The following SEL1L3 variants were observed in gnomAD, a reference collection of about 807,000 sequenced individuals.
The protein encoded by SEL1L3 is protein sel-1 homolog 3.
Under a neutral mutation model 142.8 loss-of-function variants are expected in SEL1L3, and 76 were observed. The observed-to-expected ratio is 0.53, with a 90% CI of 0.44 to 0.64. The LOEUF (loss-of-function observed/expected upper bound fraction) is 0.64, where lower values mean the gene tolerates loss of function less well. Ranked by LOEUF, SEL1L3 falls within the 30% of genes least tolerant of loss-of-function variation. The pLI is 0.00. For missense variants in SEL1L3, 1,262 were observed against 1,381.7 expected, an observed-to-expected ratio of 0.91 and a Z score of 1.37; for synonymous variants, 504 against 519.6, an observed-to-expected ratio of 0.97 and a Z score of 0.41.
chr4:25,719,654 G>T, the SEL1L3 span: 1 of 152,158 alleles, frequency 6.6e-6, no homozygotes, highest in Non-Finnish European at 1.5e-5. Flanking sequence ...TGATGAGCAG[G>T]CTGTGGATAA....
rs749101420 is a variant in SEL1L3 at position 25,784,289 on chromosome 4, C to T, written c.2219G>A (p.Gly740Asp). The T allele has an allele frequency of 1.2e-6, 2 of 1,612,988 alleles. No homozygotes were observed. Among genetic ancestry groups the T allele is most frequent in the Admixed American group, 1.7e-5 (1 of 60,008 alleles). ...CCGTCTGTTCTTTTTTACTCCTTGA[C>T]CCTAAACATTGATAAACAGCGATGA... ...IYDYAIVLFK[G>D]QGVKKNRRLA... Residue 740 changes from glycine (G) to aspartate (D), a missense_variant and splice_region_variant, in exon 14 of 24, where the codon GGT (glycine) becomes GAT (aspartate). This residue lies in a region of SEL1L3 where 435 missense variants were observed against 559.2 expected (regional missense o/e 0.78). Coordinates refer to ENST00000399878, the MANE Select transcript of SEL1L3 (RefSeq NM_015187.5).
At chr4:25,715,817 C>T in the SEL1L3 span, among the ~76,000 whole-genome samples, 1 of 151,430 alleles carries the variant, frequency 6.6e-6, no homozygotes, top group Non-Finnish European at 1.5e-5. Context: ...AAAAAAAACC[C>T]AAGATGCATA....
At chr4:25,727,754 G>T in the SEL1L3 span, among the ~76,000 whole-genome samples, 1 of 152,276 alleles carries the variant, frequency 6.6e-6, no homozygotes, top group Admixed American at 6.5e-5. Flanking sequence ...AGACACGCTG[G>T]CACTCCAGGT....
chr4:25,729,483 G>A, the SEL1L3 span, among the ~76,000 whole-genome samples: 4 of 152,294 alleles, frequency 2.6e-5, no homozygotes, highest in Admixed American at 2.0e-4. Context: ...GGAGGCTGAG[G>A]CGGGCAGATC....
intron 23 of SEL1L3, chr4:25,756,186 T>C: frequency 1.0e-6 from 1 of 985,422 alleles, no homozygotes; most frequent in African/African-American, 1.7e-5. Flanking sequence ...AATCTACCCA[T>C]TTGTAAATGT....
chr4:25,818,064 G>C (rs149368965), intron 9 of SEL1L3, 74 bp downstream of exon 9: 11 of 1,466,270 alleles, frequency 7.5e-6, no homozygotes, highest in Non-Finnish European at 9.2e-6. Flanking sequence ...AATCACCAAA[G>C]AGGGTGAGTG....
At chr4:25,756,572 AG>A in intron 23 of SEL1L3, 1 of 943,788 alleles carries the variant, frequency 1.1e-6, no homozygotes, top group Non-Finnish European at 1.3e-6. Context: ...TTTGGGGATC[AG>A]GAAGGTTAAA....
At chr4:25,717,173 T>C in the SEL1L3 span, among the ~76,000 whole-genome samples, 1 of 151,878 alleles carries the variant, frequency 6.6e-6, no homozygotes, top group African/African-American at 2.4e-5. Flanking sequence ...TCCATAAATA[T>C]ATACACCTAC....
At chr4:25,847,202 C>A in intron 2 of SEL1L3, 92 bp downstream of exon 2, 2 of 1,057,056 alleles carry the variant, frequency 1.9e-6, no homozygotes, top group Non-Finnish European at 2.8e-6. Context: ...TATCCCCCTT[C>A]GCTAATAGAA....
At chr4:25,831,289 T>C (rs1398778269) in intron 5 of SEL1L3, among the ~76,000 whole-genome samples, 5 of 151,944 alleles carry the variant, frequency 3.3e-5, no homozygotes, top group African/African-American at 1.2e-4. Flanking sequence ...TAGCTTTCTA[T>C]AGTCCATAAA....
At chr4:25,805,388 G>A (rs1021461988) in intron 9 of SEL1L3, among the ~76,000 whole-genome samples, 7 of 152,160 alleles carry the variant, frequency 4.6e-5, no homozygotes, top group African/African-American at 1.7e-4. Context: ...CTGAGGCCTG[G>A]AGAAGAATAA....
rs987903245 is a variant in SEL1L3, at chr4:25,788,682, T to C, written c.2077-318A>G. On this transcript the variant is annotated intron_variant, in intron 12 of 23. Coordinates refer to ENST00000399878, the MANE Select transcript of SEL1L3 (RefSeq NM_015187.5). The surrounding 1 kb of genome is among the most constrained non-coding windows in gnomAD (Gnocchi z 5.3). ...TCGTCAATAATCAGAACTCCTCAAA[T>C]GGCACTCTTTTGGGAGGTATTGCCC... Among the ~76,000 whole-genome samples the C allele has an allele frequency of 5.3e-5, 8 of 151,658 alleles. No individual in the cohort carries two copies. Among genetic ancestry groups the C allele is most frequent in the Admixed American group, 3.9e-4 (6 of 15,200 alleles).
chr4:25,854,578 A>T (rs1717118833), intron 1 of SEL1L3, among the ~76,000 whole-genome samples: 1 of 152,162 alleles, frequency 6.6e-6, no homozygotes, highest in Admixed American at 6.5e-5. Context: ...GCGCCTGGCC[A>T]ATTATCAAGC....
chr4:25,716,543 C>T, the SEL1L3 span, among the ~76,000 whole-genome samples: 4 of 151,776 alleles, frequency 2.6e-5, no homozygotes, highest in Non-Finnish European at 5.9e-5. Flanking sequence ...TTAAAAGATA[C>T]GTACAAAATA....
In SEL1L3 at chr4:25,748,536, C is replaced by G. The variant is rs1717389812; in HGVS notation, c.3288G>C (p.Gln1096His). 1 of 1,611,464 alleles carries G rather than the reference C, an allele frequency of 6.2e-7. No homozygotes were observed. Among genetic ancestry groups the G allele is most frequent in the Non-Finnish European group, 8.5e-7 (1 of 1,179,090 alleles). Residue 1096 changes from glutamine to histidine, a missense_variant, in exon 24 of 24, where the codon CAG (glutamine) becomes CAC (histidine). By Grantham distance (24) the Gln-to-His change is conservative. Coordinates refer to ENST00000399878, the MANE Select transcript of SEL1L3 (RefSeq NM_015187.5). The stretch of plus-strand genomic sequence containing the variant: ...TGGACGTGGCAGTGTCTGGGGAGGC[C>G]TGGGATGGTCTTGGAGGGGGATCGC... ...SASDPPPRPSQASPDTATSTA... is the reference protein window; with the variant it reads ...SASDPPPRPSHASPDTATSTA...
chr4:25,734,874 T>C, the SEL1L3 span, among the ~76,000 whole-genome samples: 3 of 152,310 alleles, frequency 2.0e-5, no homozygotes, highest in East Asian at 5.8e-4. Context: ...CAGCCTTTTG[T>C]ATCTATGTTT....
chr4:25,849,202 T>G (rs1238961281), intron 1 of SEL1L3, among the ~76,000 whole-genome samples: 1 of 152,128 alleles, frequency 6.6e-6, no homozygotes, highest in Non-Finnish European at 1.5e-5. Flanking sequence ...CCCAAAAATT[T>G]AAAGCAAGGA....
intron 13 of SEL1L3, among the ~76,000 whole-genome samples, chr4:25,784,851 G>T (rs1259391723): frequency 6.6e-6 from 1 of 152,218 alleles, no homozygotes; most frequent in Non-Finnish European, 1.5e-5. Flanking sequence ...GCAAAATCAA[G>T]ATTTTCCAGA....
chr4:25,757,645 G>A, intron 22 of SEL1L3, 39 bp from the exon 23 acceptor site: 1 of 1,560,286 alleles, frequency 6.4e-7, no homozygotes, highest in Non-Finnish European at 8.7e-7. Flanking sequence ...ACTGACAAAG[G>A]GCAGGGGCCA....
Sources: gnomAD v4.1 joint callset for allele counts (sites outside exome capture counted in the v4.1 genomes callset) on GRCh38, gnomAD v4.1.1 for gene constraint, gnomAD v4.1.1 regional missense constraint, Gnocchi (gnomAD v3.1) non-coding constraint, MANE v1.5 for transcripts, NCBI Gene and HGNC (gene_info 2026-07-23, HGNC 2026-07-21) for gene names.